The following DTD1 variants were observed in gnomAD, a reference collection of about 807,000 sequenced individuals.
The protein encoded by DTD1 is D-tyrosyl-tRNA deacylase 1 homolog.
In DTD1, 13 loss-of-function variants were observed where a neutral mutation model predicts 25.6. The ratio of observed to expected loss-of-function variants is 0.51; its 90% CI spans 0.33 to 0.81. The LOEUF is 0.81. Ranked by LOEUF, DTD1 falls within the 30% of genes least tolerant of loss-of-function variation. The pLI, the probability that DTD1 is intolerant of heterozygous loss-of-function variation, is 0.02. For missense variants in DTD1, 193 were observed against 266.4 expected (o/e 0.72, Z 1.92); for synonymous variants, 110 against 103.6 (o/e 1.06, Z -0.37).
chr20:18,622,660 C>T (rs1221773769), intron 3 of DTD1, among the ~76,000 whole-genome samples: 4 of 152,106 alleles, frequency 2.6e-5, no homozygotes, highest in African/African-American at 9.7e-5. Flanking sequence ...AGAAATTTGT[C>T]TATGCTTTAA....
In DTD1 at chr20:18,755,055, A is replaced by G. The variant is rs548715122; in HGVS notation, c.*20-8305A>G. ...CTAGGAAGTTTACCTAAAAACTTTAAGAACCCATTGGCCAAAACCTCTCAG... is the reference window on the plus strand; with the variant it reads ...CTAGGAAGTTTACCTAAAAACTTTAGGAACCCATTGGCCAAAACCTCTCAG... On this transcript the variant is annotated intron_variant, in intron 5 of 5. Transcript: ENST00000377452. Among the ~76,000 whole-genome samples, 5 of 152,226 alleles carry G rather than the reference A, an allele frequency of 3.3e-5. No homozygotes were observed. In the South Asian group the frequency reaches 8.3e-4, roughly 25 times the overall value.
At chr20:18,621,465 G>A (rs567005087) in intron 3 of DTD1, among the ~76,000 whole-genome samples, 1 of 152,274 alleles carries the variant, frequency 6.6e-6, no homozygotes, top group Admixed American at 6.5e-5. Flanking sequence ...CAAATATCCT[G>A]TTACTCAGCC....
chr20:18,637,228 A>G (rs1245103574), intron 4 of DTD1, among the ~76,000 whole-genome samples: 1 of 152,176 alleles, frequency 6.6e-6, no homozygotes, highest in Non-Finnish European at 1.5e-5. Context: ...TATTGAGGTC[A>G]CATGTGAGTC....
At chr20:18,665,695 T>TA (rs967511113) in intron 4 of DTD1, among the ~76,000 whole-genome samples, 9 of 152,346 alleles carry the variant, frequency 5.9e-5, no homozygotes, top group Middle Eastern at 6.8e-3. Flanking sequence ...AAGGGTTACT[T>TA]AGTCATCTGA....
chr20:18,613,913 C>A, intron 3 of DTD1, among the ~76,000 whole-genome samples: 1 of 152,092 alleles, frequency 6.6e-6, no homozygotes, highest in Non-Finnish European at 1.5e-5. Context: ...TATTGACTGG[C>A]CACTAGGGTG....
At chr20:18,599,799 C>T (rs979128057) in intron 3 of DTD1, among the ~76,000 whole-genome samples, 3 of 152,312 alleles carry the variant, frequency 2.0e-5, no homozygotes, top group South Asian at 4.1e-4. Flanking sequence ...TGCTTATTTA[C>T]TATCTGTATA....
chr20:18,746,635 C>T (rs1489133484), intron 5 of DTD1, among the ~76,000 whole-genome samples: 1 of 152,126 alleles, frequency 6.6e-6, no homozygotes, highest in Non-Finnish European at 1.5e-5. Flanking sequence ...TTGGAGGCTG[C>T]AGTGAGCCAT....
chr20:18,668,521 T>C (rs2122384975), intron 4 of DTD1, among the ~76,000 whole-genome samples: 1 of 152,162 alleles, frequency 6.6e-6, no homozygotes, highest in Admixed American at 6.5e-5. Flanking sequence ...GGTGGCACCA[T>C]TTGAAGACCT....
intron 2 of DTD1, 39 bp from the exon 3 acceptor site, chr20:18,595,967 G>T: frequency 6.3e-7 from 1 of 1,579,594 alleles, no homozygotes; most frequent in Non-Finnish European, 8.7e-7. Context: ...GGGGGCTTGT[G>T]ATCTCTCAGG....
chr20:18,741,201 T>C (rs6081344), intron 4 of DTD1, among the ~76,000 whole-genome samples: 47,681 of 152,146 alleles, frequency 0.31, 8,009 homozygotes, highest in Non-Finnish European at 0.38. Flanking sequence ...TTTATATATG[T>C]GTGTATATGT....
chr20:18,617,237 G>A (rs953249098), intron 3 of DTD1, among the ~76,000 whole-genome samples: 4 of 151,772 alleles, frequency 2.6e-5, no homozygotes, highest in African/African-American at 2.4e-5. Context: ...GGGATGAAAC[G>A]AAAAGTCTGA....
intron 4 of DTD1, among the ~76,000 whole-genome samples, chr20:18,652,430 G>A (rs925937433): frequency 1.9e-4 from 29 of 152,284 alleles, no homozygotes; most frequent in Middle Eastern, 3.4e-3. Context: ...TTTCTGGTGC[G>A]TACTTGGCTC....
chr20:18,635,575 A>G lies in DTD1; in HGVS notation c.477+7342A>G, dbSNP rs549366246. Among the ~76,000 whole-genome samples the G allele has an allele frequency of 2.6e-5, 4 of 152,330 alleles. No homozygotes were observed. In the Middle Eastern group the frequency reaches 0.014, roughly 518 times the overall value. On this transcript the variant is annotated intron_variant, in intron 4 of 5. Transcript: ENST00000377452. ...CACTCAGCCCAGCCCACTGCTCTGC[A>G]CAGTCAGAATTTATCCTGAGTCCTT...
At chr20:18,636,195 A>G (rs1278835066) in intron 4 of DTD1, among the ~76,000 whole-genome samples, 6 of 152,218 alleles carry the variant, frequency 3.9e-5, no homozygotes, top group African/African-American at 1.4e-4. Flanking sequence ...TGACCTGCCA[A>G]AGATTAACAG....
intron 4 of DTD1, among the ~76,000 whole-genome samples, chr20:18,708,816 T>C (rs2061146685): frequency 6.6e-6 from 1 of 152,166 alleles, no homozygotes; most frequent in Non-Finnish European, 1.5e-5. Flanking sequence ...CATAAGGAGA[T>C]ACTGCCCTCC....
At chr20:18,648,101 A>G (rs1453764057) in intron 4 of DTD1, among the ~76,000 whole-genome samples, 1 of 152,274 alleles carries the variant, frequency 6.6e-6, no homozygotes, top group East Asian at 1.9e-4. Flanking sequence ...GTGGCCCTTC[A>G]TTGTTGGCTC....
chr20:18,736,630 T>C (rs1252143984), intron 4 of DTD1, among the ~76,000 whole-genome samples: 1 of 152,248 alleles, frequency 6.6e-6, no homozygotes, highest in African/African-American at 2.4e-5. Context: ...GGGCATATCA[T>C]GTACAGAAAA....
chr20:18,660,302 C>T (rs146012451), intron 4 of DTD1, among the ~76,000 whole-genome samples: 7 of 152,318 alleles, frequency 4.6e-5, no homozygotes, highest in South Asian at 2.1e-4. Context: ...TTACTGCAGC[C>T]TCAACCTCCC....
intron 4 of DTD1, among the ~76,000 whole-genome samples, chr20:18,646,946 C>G (rs557013350): frequency 1.3e-5 from 2 of 152,284 alleles, no homozygotes; most frequent in African/African-American, 4.8e-5. Flanking sequence ...CTCATCAGCC[C>G]TGACCTTCTG....
Sources: gnomAD v4.1 joint callset for allele counts (sites outside exome capture counted in the v4.1 genomes callset) on GRCh38, gnomAD v4.1.1 for gene constraint, MANE v1.5 for transcripts, NCBI Gene and HGNC (gene_info 2026-07-23, HGNC 2026-07-21) for gene names.